CNTN1: variants seen among roughly 807,000 people sequenced by gnomAD.
CNTN1 encodes the protein contactin 1, also known as contactin-1.
A neutral mutation model predicts 126.4 loss-of-function variants in CNTN1; 38 were observed. The ratio of observed to expected loss-of-function variants is 0.30; its 90% CI spans 0.23 to 0.39. The LOEUF (loss-of-function observed/expected upper bound fraction) is 0.39. Among genes scored for constraint, CNTN1 ranks in the 10% least tolerant of loss-of-function variants. The pLI is 1.00. For missense variants in CNTN1, 1,009 were observed against 1,248.4 expected, an observed-to-expected ratio of 0.81 and a Z score of 2.89; for synonymous variants, 413 against 422.6, an observed-to-expected ratio of 0.98 and a Z score of 0.28.
chr12:40,993,405 A>G lies in CNTN1; in HGVS notation c.2113+136A>G, dbSNP rs1441252424. The G allele has an allele frequency of 8.6e-6, 6 of 701,588 alleles. No homozygotes were observed. The African/African-American group carries it at 9.0e-5, about 10-fold the overall frequency. 43.5% of individuals were successfully genotyped at this position (701,588 alleles called of 1,614,324 possible). ...GAAAAGCATGTGTGTGTATTTCACT[A>G]TCAAGACAGTCAAAAATCAAAAGAG... On this transcript the variant is annotated intron_variant, in intron 17 of 23. Transcript: ENST00000551295.
chr12:40,901,833 A>T (rs1490864109), intron 1 of CNTN1, among the ~76,000 whole-genome samples: 1 of 152,208 alleles, frequency 6.6e-6, no homozygotes, highest in Non-Finnish European at 1.5e-5. Flanking sequence ...TTTTTATGAA[A>T]TGTATTTGAC....
chr12:40,879,021 G>T (rs1190933020), intron 1 of CNTN1, among the ~76,000 whole-genome samples: 1 of 152,014 alleles, frequency 6.6e-6, no homozygotes, highest in Non-Finnish European at 1.5e-5. Context: ...AAATCAACAC[G>T]ACTGAGGAGT....
At chr12:40,944,250 C>T (rs549138682) in intron 14 of CNTN1, 80 bp downstream of exon 14, 1 of 1,284,032 alleles carries the variant, frequency 7.8e-7, no homozygotes, top group East Asian at 2.4e-5. Context: ...ACTATAATCA[C>T]ATTTTATATC....
intron 4 of CNTN1, among the ~76,000 whole-genome samples, chr12:40,919,499 C>G (rs1420277158): frequency 2.6e-5 from 4 of 152,096 alleles, no homozygotes; most frequent in African/African-American, 9.7e-5. Flanking sequence ...TCCATGAAGA[C>G]AAAACAAGTG....
At chr12:40,734,744 C>T (rs1204280925) in intron 1 of CNTN1, among the ~76,000 whole-genome samples, 3 of 151,930 alleles carry the variant, frequency 2.0e-5, no homozygotes, top group Non-Finnish European at 1.5e-5. Flanking sequence ...GTCAAGTATG[C>T]AAATTAATAT....
At chr12:40,908,532 C>T in intron 2 of CNTN1, 39 bp downstream of exon 2, 21 of 1,353,108 alleles carry the variant, frequency 1.6e-5, no homozygotes, top group Non-Finnish European at 2.1e-5. Flanking sequence ...TATATTATGT[C>T]AACATAATTG....
At chr12:40,777,868 G>T (rs1939649357) in intron 1 of CNTN1, among the ~76,000 whole-genome samples, 1 of 151,760 alleles carries the variant, frequency 6.6e-6, no homozygotes, top group East Asian at 1.9e-4. Flanking sequence ...CAGTCTTTGG[G>T]AAGGGTAAAT....
intron 1 of CNTN1, among the ~76,000 whole-genome samples, chr12:40,805,773 G>A (rs1436464673): frequency 6.6e-6 from 1 of 152,008 alleles, no homozygotes; most frequent in Admixed American, 6.6e-5. Flanking sequence ...AGTAGAGGCT[G>A]AGGTCAATGG....
chr12:41,064,665 T>C (rs1950011763), intron 23 of CNTN1, among the ~76,000 whole-genome samples: 1 of 152,080 alleles, frequency 6.6e-6, no homozygotes, highest in African/African-American at 2.4e-5. Context: ...ATCTGGTGGT[T>C]TCCTGCTCTT....
intron 18 of CNTN1, among the ~76,000 whole-genome samples, chr12:41,016,077 T>C (rs1948773047): frequency 6.6e-6 from 1 of 152,228 alleles, no homozygotes; most frequent in South Asian, 2.1e-4. Flanking sequence ...TCTCTTACCA[T>C]TGCCTTTCAA....
At chr12:40,759,839 T>C (rs1938784132) in intron 1 of CNTN1, among the ~76,000 whole-genome samples, 1 of 151,086 alleles carries the variant, frequency 6.6e-6, no homozygotes, top group East Asian at 2.0e-4. Context: ...CAACAACTTA[T>C]CTTGGCACCT....
intron 17 of CNTN1, 116 bp from the exon 18 acceptor site, chr12:41,014,112 C>T: frequency 1.2e-6 from 1 of 866,558 alleles, no homozygotes; most frequent in African/African-American, 1.7e-5. Flanking sequence ...GTATGTTTTT[C>T]CTAGTAAAAG....
intron 1 of CNTN1, among the ~76,000 whole-genome samples, chr12:40,817,310 G>C (rs1299185339): frequency 6.6e-6 from 1 of 152,006 alleles, no homozygotes; most frequent in Admixed American, 6.6e-5. Flanking sequence ...CTAAGAACTT[G>C]TTTTATGAAT....
intron 1 of CNTN1, among the ~76,000 whole-genome samples, chr12:40,816,418 A>AT (rs1941257305): frequency 6.6e-6 from 1 of 151,652 alleles, no homozygotes; most frequent in African/African-American, 2.4e-5. Flanking sequence ...TTTTTTCTAG[A>AT]TTTTCCAGTT....
chr12:40,995,189 T>C (rs1948183012), intron 17 of CNTN1, among the ~76,000 whole-genome samples: 1 of 152,152 alleles, frequency 6.6e-6, no homozygotes, highest in Non-Finnish European at 1.5e-5. Context: ...GATAGTTTAC[T>C]TATAGCAGTC....
intron 14 of CNTN1, among the ~76,000 whole-genome samples, chr12:40,957,745 A>G (rs1318371802): frequency 6.6e-6 from 1 of 152,044 alleles, no homozygotes; most frequent in Non-Finnish European, 1.5e-5. Context: ...CTCAATCGAC[A>G]TTAAATTAAG....
chr12:40,768,564 C>A (rs964548166), intron 1 of CNTN1, among the ~76,000 whole-genome samples: 1 of 152,176 alleles, frequency 6.6e-6, no homozygotes, highest in Non-Finnish European at 1.5e-5. Flanking sequence ...TGGGTTATAA[C>A]AAAGCAAGGT....
At chr12:40,888,081 G>A (rs1944109436) in intron 1 of CNTN1, among the ~76,000 whole-genome samples, 1 of 151,310 alleles carries the variant, frequency 6.6e-6, no homozygotes, top group Non-Finnish European at 1.5e-5. Context: ...GAGTTAATGG[G>A]TGCAGTACAC....
At chr12:40,693,172 C>A (rs185563517) in intron 1 of CNTN1, among the ~76,000 whole-genome samples, 1 of 152,188 alleles carries the variant, frequency 6.6e-6, no homozygotes, top group Non-Finnish European at 1.5e-5. Context: ...CCCTGCAACT[C>A]GAAGGGCACG....
Sources: allele counts gnomAD v4.1 joint callset (sites outside exome capture counted in the v4.1 genomes callset), GRCh38; gene constraint gnomAD v4.1.1; transcripts MANE v1.5; gene names NCBI Gene and HGNC (gene_info 2026-07-23, HGNC 2026-07-21).